Variants in BRDT observed in about 807,000 individuals in gnomAD.
BRDT encodes the protein bromodomain testis-specific protein.
Under a neutral mutation model 113.9 loss-of-function variants are expected in BRDT, and 77 were observed. That is an observed-to-expected ratio of 0.68 (90% CI 0.56 to 0.82). The LOEUF is 0.82. Ranked by LOEUF, BRDT falls within the 40% of genes least tolerant of loss-of-function variation. The probability of loss-of-function intolerance (pLI) is 0.00; values close to 1 mark genes in which losing one functional copy is unlikely to be tolerated. For missense variants in BRDT, 1,027 were observed against 1,105.4 expected, an observed-to-expected ratio of 0.93 and a Z score of 1.01; for synonymous variants, 358 against 366.5, an observed-to-expected ratio of 0.98 and a Z score of 0.26.
At chr1:91,988,482 C>T (rs1204913657) in intron 12 of BRDT, among the ~76,000 whole-genome samples, 1 of 152,034 alleles carries the variant, frequency 6.6e-6, no homozygotes, top group African/African-American at 2.4e-5. Flanking sequence ...TTCACTGAAA[C>T]CTCTGCCTCC....
chr1:91,979,453 G>A, intron 7 of BRDT, 116 bp from the exon 8 acceptor site: 2 of 1,045,228 alleles, frequency 1.9e-6, no homozygotes, highest in South Asian at 3.1e-5. Flanking sequence ...ATATCTTAAA[G>A]GAAAAAAGAA....
intron 10 of BRDT, 31 bp downstream of exon 10, chr1:91,981,209 G>T: frequency 6.2e-7 from 1 of 1,607,818 alleles, no homozygotes; most frequent in Non-Finnish European, 8.5e-7. Context: ...ATAGAAATCG[G>T]TTTGGTATTT....
At chr1:91,949,933 C>G (rs928435951) in intron 1 of BRDT, 4 of 151,002 alleles carry the variant, frequency 2.6e-5, no homozygotes, top group Admixed American at 2.6e-4. Flanking sequence ...GCTGCCTGTA[C>G]TGTAATTTTG....
chr1:91,961,466 C>CA (rs1464397888), intron 1 of BRDT, among the ~76,000 whole-genome samples: 4 of 151,900 alleles, frequency 2.6e-5, no homozygotes, highest in Admixed American at 6.6e-5. Flanking sequence ...CCTGTCTCTA[C>CA]AAAAAAATAC....
rs1294369583 is a variant in BRDT, at chr1:92,005,116, A to G, written c.2595-3A>G. 6 of 1,455,308 alleles carry G rather than the reference A, an allele frequency of 4.1e-6. No individual in the cohort carries two copies. Among genetic ancestry groups the G allele is most frequent in the Non-Finnish European group, 5.4e-6 (6 of 1,105,632 alleles). The allele number at this position is 1,455,308 out of a possible 1,614,324, so 90.1% of individuals were successfully genotyped here. ...ACTTTGAGCTATACTTTTTTTCTTT[A>G]AGGGATCTTGGGAATGGATTGACTG... is the stretch of plus-strand genomic sequence containing the variant. On this transcript the variant is annotated splice_polypyrimidine_tract_variant and splice_region_variant and intron_variant, in intron 17 of 18. Transcript: ENST00000399546.
Position 91,980,704 on chromosome 1 carries a change from A to G in BRDT, c.1349A>G (p.Lys450Arg). Reference sequence around the variant, plus strand: ...CAAGTACCTTTCCGTAAGCTAAATAAAAAGAAAGAGAAGTCTAAAAAGGAA... The same window carrying G: ...CAAGTACCTTTCCGTAAGCTAAATAGAAAGAAAGAGAAGTCTAAAAAGGAA... Reference protein sequence around the residue: ...LSQVPFRKLNKKKEKSKKEKK... With the variant: ...LSQVPFRKLNRKKEKSKKEKK... The change falls in exon 9 of 19, where the codon AAA becomes AGA. Residue 450 changes from lysine to arginine, a missense_variant. Physicochemically the swap from Lys to Arg is conservative, Grantham distance 26 (BLOSUM62 2). Transcript: ENST00000399546. 1 of 1,606,456 alleles carries G rather than the reference A, an allele frequency of 6.2e-7. No homozygotes were observed. Among genetic ancestry groups the G allele is most frequent in the Non-Finnish European group, 8.5e-7 (1 of 1,178,448 alleles).
chr1:92,014,270 A>T lies in BRDT; in HGVS notation c.2840A>T (p.Asp947Val). The change falls in exon 19 of 19, where the codon GAT (aspartate) becomes GTT (valine). Residue 947 changes from aspartate (D) to valine (V), a missense_variant. Physicochemically the swap from Asp to Val is radical, Grantham distance 152 (BLOSUM62 -3). Transcript: ENST00000399546. ...ATGACAATGTTTGAAAACAACTTTGATTAAAACTCAGTTTTTAAATTAACC... is the reference window on the plus strand; with the variant it reads ...ATGACAATGTTTGAAAACAACTTTGTTTAAAACTCAGTTTTTAAATTAACC... Reference protein sequence around the residue: ...DIMTMFENNFD With the variant: ...DIMTMFENNFV 2 of 1,583,432 alleles carry T rather than the reference A, an allele frequency of 1.3e-6. No homozygotes were observed. The highest frequency in any genetic ancestry group is 1.7e-6 in the Non-Finnish European group (2 of 1,164,890).
chr1:92,010,134 T>A (rs1687667559), intron 18 of BRDT, among the ~76,000 whole-genome samples: 1 of 152,150 alleles, frequency 6.6e-6, no homozygotes. Flanking sequence ...AAGTTGTGTG[T>A]TTTCATCAAG....
intron 4 of BRDT, 64 bp downstream of exon 4, chr1:91,968,324 G>T (rs1036273780): frequency 7.0e-6 from 11 of 1,570,664 alleles, no homozygotes; most frequent in Non-Finnish European, 9.5e-6. Context: ...TCTCATGTGT[G>T]TGTGTAAATC....
chr1:91,954,371 A>C (rs910097502), intron 1 of BRDT, among the ~76,000 whole-genome samples: 1 of 139,766 alleles, frequency 7.2e-6, no homozygotes, highest in African/African-American at 2.7e-5. Context: ...CCTCGACTTC[A>C]TGAGCTCAAG....
chr1:91,963,054 T>C, intron 2 of BRDT, 108 bp downstream of exon 2: 1 of 875,762 alleles, frequency 1.1e-6, no homozygotes, highest in Non-Finnish European at 1.6e-6. Context: ...CCAGGCGCGT[T>C]GGCTCCCGCC....
chr1:91,977,163 G>T lies in BRDT; in HGVS notation c.739G>T (p.Glu247Ter). Residue 247 changes from glutamate to a stop codon, truncating the protein, a stop_gained, in exon 6 of 19, where the codon GAA (glutamate) becomes TAA (stop). Transcript: ENST00000399546. LOFTEE classifies it high-confidence loss of function. ...EKSVALPPIK[E>*]NMPKNVLPDS... ...ATCAGTGGCACTGCCACCTATAAAA[G>T]AAAATATGCCAAAGAATGTTTTGCC... The T allele has an allele frequency of 6.2e-7, 1 of 1,613,966 alleles. No homozygotes were observed.
rs1050467156 is a variant in BRDT, at chr1:91,995,969, A to G, written c.2287+1715A>G. On this transcript the variant is annotated intron_variant, in intron 15 of 18. Transcript: ENST00000399546. ...CTCTTCATTGTGGGGAAGGGAATGGAGATCAATGGAGAAAATATCTAAGGC... is the reference window on the plus strand; with the variant it reads ...CTCTTCATTGTGGGGAAGGGAATGGGGATCAATGGAGAAAATATCTAAGGC... 3.3e-5 allele frequency among the ~76,000 whole-genome samples: 5 copies of G among 152,274 alleles called. No homozygotes were observed. In the South Asian group the frequency reaches 1.0e-3, roughly 32 times the overall value.
At chr1:91,970,349 C>T (rs1361381088) in intron 4 of BRDT, among the ~76,000 whole-genome samples, 1 of 152,168 alleles carries the variant, frequency 6.6e-6, no homozygotes, top group African/African-American at 2.4e-5. Context: ...TCACTGCAGC[C>T]TCAAGCTCCT....
chr1:92,009,030 A>G (rs1443189183), intron 18 of BRDT, among the ~76,000 whole-genome samples: 1 of 152,206 alleles, frequency 6.6e-6, no homozygotes. Flanking sequence ...TTTTAACTAT[A>G]GTCTCCATGT....
intron 15 of BRDT, among the ~76,000 whole-genome samples, chr1:91,994,863 G>C (rs1414527916): frequency 5.2e-5 from 3 of 57,820 alleles, no homozygotes; most frequent in African/African-American, 1.9e-4. Context: ...GCAAGACTCC[G>C]TCTCAAAAAA....
intron 4 of BRDT, among the ~76,000 whole-genome samples, chr1:91,975,620 T>C (rs917414701): frequency 6.6e-6 from 1 of 152,200 alleles, no homozygotes; most frequent in Non-Finnish European, 1.5e-5. Flanking sequence ...ATATGGAGTT[T>C]GAGAGACAGT....
intron 15 of BRDT, among the ~76,000 whole-genome samples, chr1:91,998,073 A>G (rs1413392630): frequency 2.6e-5 from 4 of 152,184 alleles, no homozygotes; most frequent in African/African-American, 9.7e-5. Context: ...TGAAATGGAC[A>G]ATGTTGAATT....
chr1:91,983,263 CTTTTTTT>C (rs34326851), intron 12 of BRDT, among the ~76,000 whole-genome samples: 3 of 103,236 alleles, frequency 2.9e-5, no homozygotes, highest in Non-Finnish European at 6.2e-5. Flanking sequence ...GAATTCAAAT[CTTTTTTT>C]TTTTTTTTTT....
Sources: allele counts gnomAD v4.1 joint callset (sites outside exome capture counted in the v4.1 genomes callset), GRCh38; gene constraint gnomAD v4.1.1; transcripts MANE v1.5; gene names NCBI Gene and HGNC (gene_info 2026-07-23, HGNC 2026-07-21).